The following ITGAV variants were observed in gnomAD, a reference collection of about 807,000 sequenced individuals.
ITGAV encodes the protein integrin subunit alpha V.
A neutral mutation model predicts 143.8 loss-of-function variants in ITGAV; 76 were observed. The ratio of observed to expected loss-of-function variants is 0.53; its 90% confidence interval spans 0.44 to 0.64. ITGAV has a LOEUF of 0.64. ITGAV is among the 30% of genes least tolerant of loss of function. The probability of loss-of-function intolerance (pLI) is 0.00; values close to 1 mark genes in which losing one functional copy is unlikely to be tolerated. For synonymous variants in ITGAV, 453 were observed against 446.7 expected (o/e 1.01, Z -0.18); for missense variants, 1,193 against 1,274.7 (o/e 0.94, Z 0.98).
intron 8 of ITGAV, among the ~76,000 whole-genome samples, chr2:186,637,533 C>T (rs1188321187): frequency 1.3e-5 from 2 of 149,088 alleles, no homozygotes; most frequent in African/African-American, 4.9e-5. Context: ...CAATTTTAAA[C>T]CATTGTTATG....
At chr2:186,591,536 T>G (rs1380402110) in intron 1 of ITGAV, among the ~76,000 whole-genome samples, 2 of 152,204 alleles carry the variant, frequency 1.3e-5, no homozygotes, top group African/African-American at 4.8e-5. Context: ...TTTCCATATT[T>G]TCTGTATAAG....
intron 20 of ITGAV, 141 bp from the exon 21 acceptor site, chr2:186,664,985 T>G (rs1688849170): frequency 1.6e-6 from 1 of 627,856 alleles, no homozygotes; most frequent in East Asian, 2.7e-5. Flanking sequence ...GTGGCAATTG[T>G]ACCCAATTCT....
Position 186,676,844 on chromosome 2 carries a change from C to T in ITGAV, c.2960C>T (p.Pro987Leu). ...ACTAATGTCACCTGGGGCATTCAGC[C>T]AGCGCCCATGCCTGTGCCTGTGTGG... ...VTTNVTWGIQ[P>L]APMPVPVWVI... Residue 987 changes from proline to leucine, a missense_variant, in exon 29 of 30, where the codon CCA becomes CTA. Physicochemically the swap from Pro to Leu is moderately conservative, Grantham distance 98 (BLOSUM62 -3). Transcript: ENST00000261023. The T allele has an allele frequency of 6.2e-7, 1 of 1,614,024 alleles. No individual in the cohort carries two copies.
intron 2 of ITGAV, among the ~76,000 whole-genome samples, chr2:186,616,558 G>A (rs1687369381): frequency 6.6e-6 from 1 of 152,032 alleles, no homozygotes; most frequent in Admixed American, 6.5e-5. Flanking sequence ...GATTACAGGC[G>A]CGAGCCACCG....
intron 2 of ITGAV, among the ~76,000 whole-genome samples, chr2:186,608,081 C>T (rs1178013538): frequency 2.0e-5 from 3 of 152,124 alleles, no homozygotes; most frequent in Admixed American, 1.3e-4. Flanking sequence ...ATATCTGAGC[C>T]GTCACCTGGC....
chr2:186,668,214 A>ATT (rs1688964663), intron 24 of ITGAV, among the ~76,000 whole-genome samples: 4 of 7,436 alleles, frequency 5.4e-4, no homozygotes, highest in African/African-American at 1.3e-3. Context: ...ATATATATAT[A>ATT]TATTTTTTTT....
At chr2:186,606,776 T>G (rs1313888935) in intron 2 of ITGAV, among the ~76,000 whole-genome samples, 1 of 152,184 alleles carries the variant, frequency 6.6e-6, no homozygotes, top group Non-Finnish European at 1.5e-5. Context: ...CTTGTCATGC[T>G]TCAATCCAAT....
chr2:186,618,400 T>A (rs1229459720), intron 2 of ITGAV, among the ~76,000 whole-genome samples: 1 of 152,218 alleles, frequency 6.6e-6, no homozygotes, highest in African/African-American at 2.4e-5. Flanking sequence ...TCCAAAAAGA[T>A]ATGTCAAATT....
chr2:186,671,025 A>G (rs1689047445), intron 26 of ITGAV, among the ~76,000 whole-genome samples: 1 of 151,986 alleles, frequency 6.6e-6, no homozygotes, highest in Non-Finnish European at 1.5e-5. Flanking sequence ...TTGCATCAGT[A>G]TTTTCTTTCA....
intron 2 of ITGAV, among the ~76,000 whole-genome samples, chr2:186,617,831 A>G (rs1473748141): frequency 6.6e-6 from 1 of 152,170 alleles, no homozygotes; most frequent in African/African-American, 2.4e-5. Context: ...GTTTGTGACT[A>G]TGGACAGAAA....
Position 186,666,742 on chromosome 2 carries a change from A to G in ITGAV, c.2205A>G (p.Ser735=). 6.3e-7 allele frequency: 1 copy of G among 1,587,970 alleles called. No homozygotes were observed. Among genetic ancestry groups the G allele is most frequent in the Non-Finnish European group, 8.6e-7 (1 of 1,169,354 alleles). Residue 735 remains serine (S), a synonymous_variant, in exon 22 of 30, where the codon TCA becomes TCG. Coordinates refer to ENST00000261023, the MANE Select transcript of ITGAV (RefSeq NM_002210.5). ...AGLRFSVHQQ[S]EMDTSVKFDL... ...TTCGTTTCAGTGTGCACCAGCAGTC[A>G]GAGATGGATACTTCTGTGAAATTTG...
intron 2 of ITGAV, among the ~76,000 whole-genome samples, chr2:186,616,403 C>G (rs949933641): frequency 6.7e-6 from 1 of 150,366 alleles, no homozygotes; most frequent in African/African-American, 2.4e-5. Flanking sequence ...CTCAGCCTCC[C>G]AAGCAGCTGG....
Position 186,590,371 on chromosome 2 carries a change from C to T in ITGAV, c.33C>T (p.Leu11=), listed in dbSNP as rs755485403. ...TTCCGCCGCGGCGACGGCTGCGCCT[C>T]GGTCCCCGCGGCCTCCCGCTTCTTC... is the stretch of plus-strand genomic sequence containing the variant. MAFPPRRRLR[L]GPRGLPLLLS... Residue 11 remains leucine (L), a synonymous_variant, in exon 1 of 30, where the codon CTC becomes CTT. Transcript: ENST00000261023. 7 of 1,591,424 alleles carry T rather than the reference C, an allele frequency of 4.4e-6. No individual in the cohort carries two copies. The East Asian group carries it at 7.2e-5, about 16-fold the overall frequency.
At position 186,659,010 on chromosome 2, in the gene ITGAV, C is replaced by T. The variant is rs747186640; in HGVS notation, c.1720-28C>T. ...TCCAGATAATTTAGGTTGACGTTAT[C>T]ATTAATTCAAAGCGTTTCCATTTCT... On this transcript the variant is annotated intron_variant, in intron 17 of 29. Transcript: ENST00000261023. The T allele has an allele frequency of 1.1e-5, 18 of 1,584,516 alleles. No individual in the cohort carries two copies. In the East Asian group the frequency reaches 2.7e-4, roughly 24 times the overall value.
intron 5 of ITGAV, among the ~76,000 whole-genome samples, chr2:186,631,067 C>T (rs182040229): frequency 3.1e-4 from 47 of 152,224 alleles, no homozygotes; most frequent in South Asian, 1.0e-3. Context: ...AGGGAGACAT[C>T]CCCCATCACT....
chr2:186,668,216 A>ATATAT (rs1553505692), intron 24 of ITGAV, among the ~76,000 whole-genome samples: 1 of 4,192 alleles, frequency 2.4e-4, no homozygotes, highest in African/African-American at 6.3e-4. Context: ...ATATATATAT[A>ATATAT]TTTTTTTTTT....
rs1688833256 is a variant in ITGAV at position 186,664,506 on chromosome 2, G to T, written c.1938G>T (p.Lys646Asn). The T allele has an allele frequency of 1.2e-6, 2 of 1,613,746 alleles. No individual in the cohort carries two copies. The highest frequency in any genetic ancestry group is 2.2e-5 in the South Asian group (2 of 91,068). The change falls in exon 20 of 30, where the codon AAG (lysine) becomes AAT (asparagine). Residue 646 changes from lysine (K) to asparagine (N), a missense_variant. Physicochemically the swap from Lys to Asn is moderately conservative, Grantham distance 94. Coordinates refer to ENST00000261023, the MANE Select transcript of ITGAV (RefSeq NM_002210.5). Reference protein sequence around the residue: ...LEVSVDSDQKKIYIGDDNPLT... With the variant: ...LEVSVDSDQKNIYIGDDNPLT... ...TGTTAACTTGTAGTGATCAAAAGAA[G>T]ATCTATATTGGGGATGACAACCCTC... is the stretch of plus-strand genomic sequence containing the variant.
intron 1 of ITGAV, among the ~76,000 whole-genome samples, chr2:186,601,805 C>T (rs1350550393): frequency 1.3e-5 from 2 of 152,062 alleles, no homozygotes; most frequent in Non-Finnish European, 2.9e-5. Context: ...CTGAACTTGC[C>T]TTATAAAGTT....
At chr2:186,646,295 A>G (rs1574487920) in intron 12 of ITGAV, among the ~76,000 whole-genome samples, 1 of 152,142 alleles carries the variant, frequency 6.6e-6, no homozygotes, top group African/African-American at 2.4e-5. Flanking sequence ...CTTTAGATGA[A>G]TCTTTTGATG....
Sources: allele counts gnomAD v4.1 joint callset (sites outside exome capture counted in the v4.1 genomes callset), GRCh38; gene constraint gnomAD v4.1.1; transcripts MANE v1.5; gene names NCBI Gene and HGNC (gene_info 2026-07-23, HGNC 2026-07-21).